Variants in LRMDA observed in about 807,000 individuals in gnomAD.
LRMDA encodes leucine rich melanocyte differentiation associated.
Under a neutral mutation model 29.8 loss-of-function variants are expected in LRMDA, and 18 were observed. The observed-to-expected ratio is 0.60, with a 90% CI of 0.42 to 0.90. The LOEUF (loss-of-function observed/expected upper bound fraction) is 0.90. Among genes scored for constraint, LRMDA ranks in the 40% least tolerant of loss-of-function variants. The pLI, the probability that LRMDA is intolerant of heterozygous loss-of-function variation, is 0.00. For missense variants in LRMDA, 273 were observed against 273.9 expected (o/e 1.00, Z 0.02); for synonymous variants, 125 against 109.4 (o/e 1.14, Z -0.89).
rs1430893051 is a variant in LRMDA at position 75,667,229 on chromosome 10, C to A, written c.131+228735C>A. 4.1e-4 allele frequency among the ~76,000 whole-genome samples: 62 copies of A among 151,994 alleles called. 1 individual carries two copies. Among genetic ancestry groups the A allele is most frequent in the Non-Finnish European group, 7.4e-5 (5 of 68,004 alleles). ...TTCTAATGATTTTATAACCCCCCCCCCCAAGTAAGAATAAAATTTTATGAA... is the reference window on the plus strand; with the variant it reads ...TTCTAATGATTTTATAACCCCCCCCACCAAGTAAGAATAAAATTTTATGAA... On this transcript the variant is annotated intron_variant, in intron 2 of 6. Transcript: ENST00000611255.
chr10:76,316,237 T>A (rs549552937), intron 5 of LRMDA, among the ~76,000 whole-genome samples: 1 of 152,220 alleles, frequency 6.6e-6, no homozygotes, highest in South Asian at 2.1e-4. Context: ...GTTCCTGGCG[T>A]CTCCCAGCTT....
intron 2 of LRMDA, among the ~76,000 whole-genome samples, chr10:75,519,096 A>C (rs1359538699): frequency 6.6e-6 from 1 of 152,082 alleles, no homozygotes; most frequent in Non-Finnish European, 1.5e-5. Context: ...GTTCTTTTAC[A>C]TTTGCTGAGG....
intron 2 of LRMDA, among the ~76,000 whole-genome samples, chr10:75,554,392 T>C (rs1840189277): frequency 6.6e-6 from 1 of 152,200 alleles, no homozygotes; most frequent in South Asian, 2.1e-4. Flanking sequence ...GAACATGGTG[T>C]ATGATAGTCA....
At chr10:76,183,999 A>T (rs1175818340) in intron 5 of LRMDA, among the ~76,000 whole-genome samples, 1 of 150,518 alleles carries the variant, frequency 6.6e-6, no homozygotes, top group Non-Finnish European at 1.5e-5. Flanking sequence ...TGGGATTACA[A>T]GTGTGAGCCA....
intron 6 of LRMDA, among the ~76,000 whole-genome samples, chr10:76,334,827 A>G (rs184306359): frequency 6.6e-6 from 1 of 152,300 alleles, no homozygotes; most frequent in East Asian, 1.9e-4. Context: ...GAGAGCCGTA[A>G]CATGTGGAAC....
intron 6 of LRMDA, among the ~76,000 whole-genome samples, chr10:76,417,189 T>TA (rs1361377199): frequency 6.6e-6 from 1 of 152,222 alleles, no homozygotes; most frequent in Non-Finnish European, 1.5e-5. Flanking sequence ...TTGATATATA[T>TA]TTTTAAACTG....
chr10:75,622,746 T>C (rs1208848822), intron 2 of LRMDA, among the ~76,000 whole-genome samples: 2 of 152,222 alleles, frequency 1.3e-5, no homozygotes, highest in African/African-American at 4.8e-5. Flanking sequence ...AAATTTAATA[T>C]GCTTAGCAAG....
chr10:76,019,197 A>C (rs1589291256), intron 2 of LRMDA, among the ~76,000 whole-genome samples: 1 of 152,182 alleles, frequency 6.6e-6, no homozygotes, highest in African/African-American at 2.4e-5. Context: ...GCTGTCACTC[A>C]GTAGAGTGTG....
intron 2 of LRMDA, among the ~76,000 whole-genome samples, chr10:75,695,456 A>G (rs1166202183): frequency 2.0e-5 from 3 of 151,910 alleles, no homozygotes; most frequent in Non-Finnish European, 4.4e-5. Context: ...CTGTTGCCCC[A>G]GAGCTTTTTG....
intron 5 of LRMDA, among the ~76,000 whole-genome samples, chr10:76,152,096 G>T (rs536612560): frequency 6.6e-6 from 1 of 152,168 alleles, no homozygotes; most frequent in Non-Finnish European, 1.5e-5. Context: ...ACAAGGTTGT[G>T]CAACTGTCAC....
chr10:76,436,614 G>A (rs575409112), intron 6 of LRMDA, among the ~76,000 whole-genome samples: 6 of 152,304 alleles, frequency 3.9e-5, no homozygotes, highest in South Asian at 2.1e-4. Flanking sequence ...GTTCCTATGC[G>A]GAGAGCATCG....
At chr10:76,334,016 G>C (rs987761595) in intron 6 of LRMDA, among the ~76,000 whole-genome samples, 3 of 152,190 alleles carry the variant, frequency 2.0e-5, no homozygotes, top group African/African-American at 7.2e-5. Flanking sequence ...CTGTTAAATG[G>C]AAGACCGGTG....
At chr10:76,267,817 A>G (rs1840024408) in intron 5 of LRMDA, among the ~76,000 whole-genome samples, 1 of 152,182 alleles carries the variant, frequency 6.6e-6, no homozygotes, top group Non-Finnish European at 1.5e-5. Context: ...TATTTCTAGA[A>G]TGGTACCCAA....
chr10:75,907,168 T>G (rs553519694), intron 2 of LRMDA, among the ~76,000 whole-genome samples: 2 of 152,324 alleles, frequency 1.3e-5, no homozygotes, highest in South Asian at 4.1e-4. Context: ...CCTTGTTAAT[T>G]AGAAGTGCAC....
At chr10:75,802,970 ATATTTT>A (rs1372095998) in intron 2 of LRMDA, among the ~76,000 whole-genome samples, 11 of 128,244 alleles carry the variant, frequency 8.6e-5, no homozygotes, top group Non-Finnish European at 1.1e-4. Flanking sequence ...ATATATATAT[ATATTTT>A]TTTTTTTTTC....
chr10:75,971,486 C>T (rs778814810), intron 2 of LRMDA, among the ~76,000 whole-genome samples: 6 of 152,196 alleles, frequency 3.9e-5, no homozygotes, highest in Middle Eastern at 3.2e-3. Context: ...TCACCAGGCT[C>T]ATCAAGAACT....
intron 5 of LRMDA, among the ~76,000 whole-genome samples, chr10:76,075,173 T>C (rs1310017823): frequency 1.3e-5 from 2 of 152,234 alleles, no homozygotes; most frequent in Non-Finnish European, 2.9e-5. Context: ...AAAACTCATA[T>C]GTTGATGCCC....
chr10:75,812,769 T>C (rs1843987034), intron 2 of LRMDA, among the ~76,000 whole-genome samples: 1 of 152,210 alleles, frequency 6.6e-6, no homozygotes, highest in Non-Finnish European at 1.5e-5. Context: ...GAGGTGAGCA[T>C]AAGACTTTGA....
intron 6 of LRMDA, among the ~76,000 whole-genome samples, chr10:76,384,353 C>A (rs2132475801): frequency 6.6e-6 from 1 of 152,270 alleles, no homozygotes; most frequent in East Asian, 1.9e-4. Flanking sequence ...TTACAGATGT[C>A]AGAGAAGTTT....
Sources: allele counts gnomAD v4.1 joint callset (sites outside exome capture counted in the v4.1 genomes callset), GRCh38; gene constraint gnomAD v4.1.1; transcripts MANE v1.5; gene names NCBI Gene and HGNC (gene_info 2026-07-23, HGNC 2026-07-21).